FMNL2: variants seen among roughly 807,000 people sequenced by gnomAD.
FMNL2 encodes the protein formin like 2, also known as formin-like protein 2.
In FMNL2, 51 loss-of-function variants were observed where a neutral mutation model predicts 130.2. That is an observed-to-expected ratio of 0.39 (90% CI 0.31 to 0.49). The LOEUF is 0.49. Ranked by LOEUF, FMNL2 falls within the 20% of genes least tolerant of loss-of-function variation. FMNL2 has a pLI of 0.85. For synonymous variants in FMNL2, 465 were observed against 467.1 expected, an observed-to-expected ratio of 1.00 and a Z score of 0.06; for missense variants, 977 against 1,316.2, an observed-to-expected ratio of 0.74 and a Z score of 3.99.
intron 1 of FMNL2, among the ~76,000 whole-genome samples, chr2:152,488,213 C>T (rs949322865): frequency 6.6e-6 from 1 of 152,338 alleles, no homozygotes; most frequent in South Asian, 2.1e-4. Context: ...ATACATTTCA[C>T]ACTTACAAGA....
At chr2:152,430,728 C>CG (rs1409399880) in intron 1 of FMNL2, among the ~76,000 whole-genome samples, 1 of 152,010 alleles carries the variant, frequency 6.6e-6, no homozygotes, top group Non-Finnish European at 1.5e-5. Context: ...AAAAAATTAG[C>CG]GGGGCATGGT....
At position 152,611,424 on chromosome 2, in the gene FMNL2, A is replaced by G. The variant is rs1580094044; in HGVS notation, c.952-71A>G. Reference sequence around the variant, plus strand: ...AAGTGAGCCTTTTTTATGAAATTGAAAGCACATGTCTGCAGTTAAACTGAG... The same window carrying G: ...AAGTGAGCCTTTTTTATGAAATTGAGAGCACATGTCTGCAGTTAAACTGAG... On this transcript the variant is annotated intron_variant, in intron 10 of 25. Transcript: ENST00000288670. The G allele has an allele frequency of 8.2e-6, 6 of 734,026 alleles. No individual in the cohort carries two copies. The East Asian group carries it at 1.6e-4, about 20-fold the overall frequency. The allele number at this position is 734,026 out of a possible 1,614,324, so 45.5% of individuals were successfully genotyped here. A position where few individuals can be genotyped will look rare whatever the true frequency, so the allele number is the denominator to read the frequency against.
chr2:152,537,830 A>C (rs1380755725), intron 2 of FMNL2, among the ~76,000 whole-genome samples: 2 of 152,160 alleles, frequency 1.3e-5, no homozygotes, highest in African/African-American at 4.8e-5. Context: ...CATCAGAAAA[A>C]GTCAGAAAAC....
Position 152,649,637 on chromosome 2 carries a change from A to ACAT in FMNL2, c.*1733_*1735dup, listed in dbSNP as rs1224817044. ...AGCTGTTTTCCAAAGTTCAATGCTG[A>ACAT]CATATATGTATATTAAAATAATTGC... On this transcript the variant is annotated 3_prime_UTR_variant, in exon 26 of 26. Transcript: ENST00000288670. The ACAT allele has an allele frequency of 6.5e-6, 1 of 152,672 alleles. No individual in the cohort carries two copies. The highest frequency in any genetic ancestry group is 2.4e-5 in the African/African-American group (1 of 41,470). 9.5% of individuals were successfully genotyped at this position (152,672 alleles called of 1,614,324 possible).
chr2:152,506,159 T>G (rs1692159077), intron 1 of FMNL2, among the ~76,000 whole-genome samples: 1 of 152,204 alleles, frequency 6.6e-6, no homozygotes, highest in Non-Finnish European at 1.5e-5. Context: ...GATAAAAATT[T>G]CTTTAGTTGA....
At position 152,450,396 on chromosome 2, in the gene FMNL2, A is replaced by C. The variant is rs1688575931; in HGVS notation, c.118-71547A>C. Among the ~76,000 whole-genome samples the C allele has an allele frequency of 2.6e-5, 4 of 152,236 alleles. 1 individual carries two copies. The South Asian group carries it at 8.3e-4, about 32-fold the overall frequency. Reference sequence around the variant, plus strand: ...GCAGTGTTCCGTGGAGCGTGGAGACAACAGTACCTTCAGGTACTAAAGGCT... The same window carrying C: ...GCAGTGTTCCGTGGAGCGTGGAGACCACAGTACCTTCAGGTACTAAAGGCT... On this transcript the variant is annotated intron_variant, in intron 1 of 25. Coordinates refer to ENST00000288670, the MANE Select transcript of FMNL2 (RefSeq NM_052905.4).
At chr2:152,490,447 C>T (rs1281428989) in intron 1 of FMNL2, among the ~76,000 whole-genome samples, 6 of 152,010 alleles carry the variant, frequency 3.9e-5, no homozygotes, top group African/African-American at 1.2e-4. Flanking sequence ...CCCTAAACAT[C>T]GACGTTCCTG....
intron 1 of FMNL2, among the ~76,000 whole-genome samples, chr2:152,338,505 A>G (rs986054764): frequency 2.0e-5 from 3 of 152,194 alleles, no homozygotes; most frequent in East Asian, 3.8e-4. Context: ...CCATCAGTTT[A>G]TATGGGTTAA....
At chr2:152,577,594 C>T (rs938393311) in intron 7 of FMNL2, among the ~76,000 whole-genome samples, 3 of 152,070 alleles carry the variant, frequency 2.0e-5, no homozygotes, top group African/African-American at 4.8e-5. Context: ...GTCAGAGAGA[C>T]GAAGAAAAGC....
intron 1 of FMNL2, among the ~76,000 whole-genome samples, chr2:152,364,850 T>G (rs1158952905): frequency 6.6e-6 from 1 of 152,244 alleles, no homozygotes; most frequent in Non-Finnish European, 1.5e-5. Context: ...CTTGAGAGAT[T>G]GAGAGGTCCT....
chr2:152,551,144 A>G (rs199947079), intron 4 of FMNL2, among the ~76,000 whole-genome samples: 1 of 43,774 alleles, frequency 2.3e-5, no homozygotes, highest in African/African-American at 1.8e-4. Flanking sequence ...CATCTCACCG[A>G]AAAAAAAAAA....
In FMNL2 at chr2:152,647,871, T is replaced by A. The variant is rs1683747038; in HGVS notation, c.3245T>A (p.Leu1082Ter). 1.2e-6 allele frequency: 2 copies of A among 1,613,866 alleles called. No individual in the cohort carries two copies. Among genetic ancestry groups the A allele is most frequent in the African/African-American group, 2.7e-5 (2 of 75,038 alleles). ...SVRRRFDDQN[L>*]RSVNGAEITM ...AGGCGGCGCTTTGATGATCAGAACTTGCGTTCTGTTAATGGTGCCGAAATA... is the reference window on the plus strand; with the variant it reads ...AGGCGGCGCTTTGATGATCAGAACTAGCGTTCTGTTAATGGTGCCGAAATA... Residue 1082 changes from leucine (L) to a stop codon, truncating the protein, a stop_gained, in exon 26 of 26, where the codon TTG becomes TAG. Coordinates refer to ENST00000288670, the MANE Select transcript of FMNL2 (RefSeq NM_052905.4). LOFTEE classifies it high-confidence loss of function.
chr2:152,401,968 C>T lies in FMNL2; in HGVS notation c.117+66248C>T, dbSNP rs535138013. On this transcript the variant is annotated intron_variant, in intron 1 of 25. Transcript: ENST00000288670. ...TCACCCAGGCTGGAATGCAGTGGCGCGATCTCAGCTCACTGCAACCTCCGC... is the reference window on the plus strand; with the variant it reads ...TCACCCAGGCTGGAATGCAGTGGCGTGATCTCAGCTCACTGCAACCTCCGC... Among the ~76,000 whole-genome samples, 370 of 138,570 alleles carry T rather than the reference C, an allele frequency of 2.7e-3. 1 individual carries two copies. Among genetic ancestry groups the T allele is most frequent in the Non-Finnish European group, 4.6e-3 (308 of 66,652 alleles). The allele number at this position is 138,570 out of a possible 152,430, so 90.9% of individuals were successfully genotyped here.
chr2:152,476,245 C>G (rs188493315), intron 1 of FMNL2, among the ~76,000 whole-genome samples: 75 of 152,340 alleles, frequency 4.9e-4, no homozygotes. Context: ...AAAACACCAG[C>G]TCTGTTTACC....
chr2:152,378,448 G>T (rs1422618908), intron 1 of FMNL2, among the ~76,000 whole-genome samples: 3 of 152,118 alleles, frequency 2.0e-5, no homozygotes, highest in African/African-American at 7.2e-5. Flanking sequence ...AAATAAATCC[G>T]TTTGGCTGGC....
intron 1 of FMNL2, among the ~76,000 whole-genome samples, chr2:152,342,419 C>T (rs1156503992): frequency 6.6e-6 from 1 of 152,192 alleles, no homozygotes; most frequent in Non-Finnish European, 1.5e-5. Context: ...ACAAGCTATA[C>T]AGTTGCTTGG....
At chr2:152,390,114 C>T in intron 1 of FMNL2, 1 of 1,382,084 alleles carries the variant, frequency 7.2e-7, no homozygotes, top group Non-Finnish European at 1.0e-6. Flanking sequence ...CAAAGGAAAA[C>T]TGAAGCCCAA....
intron 1 of FMNL2, among the ~76,000 whole-genome samples, chr2:152,367,937 C>T (rs1333620190): frequency 6.6e-6 from 1 of 152,120 alleles, no homozygotes; most frequent in Non-Finnish European, 1.5e-5. Context: ...TTGGCTTCAT[C>T]TGGGAAATTG....
At chr2:152,643,128 T>TAG (rs1423837802) in intron 25 of FMNL2, among the ~76,000 whole-genome samples, 2 of 152,236 alleles carry the variant, frequency 1.3e-5, no homozygotes, top group African/African-American at 4.8e-5. Context: ...TCTATTTGCT[T>TAG]GATCTAAGTC....
Sources: gnomAD v4.1 joint callset for allele counts (sites outside exome capture counted in the v4.1 genomes callset) on GRCh38, gnomAD v4.1.1 for gene constraint, MANE v1.5 for transcripts, NCBI Gene and HGNC (gene_info 2026-07-23, HGNC 2026-07-21) for gene names.